The following ANGPT1 variants were observed in gnomAD, a reference collection of about 807,000 sequenced individuals.
ANGPT1 encodes the protein angiopoietin 1.
Under a neutral mutation model 62.2 loss-of-function variants are expected in ANGPT1, and 17 were observed. The observed-to-expected ratio is 0.27, with a 90% CI of 0.19 to 0.41. The LOEUF is 0.41. ANGPT1 is among the 10% of genes least tolerant of loss of function. The pLI, the probability that ANGPT1 is intolerant of heterozygous loss-of-function variation, is 1.00. For missense variants in ANGPT1, 478 were observed against 594.9 expected, an observed-to-expected ratio of 0.80 and a Z score of 2.04; for synonymous variants, 199 against 198.9, an observed-to-expected ratio of 1.00 and a Z score of 0.00.
intron 1 of ANGPT1, among the ~76,000 whole-genome samples, chr8:107,349,423 G>A (rs956012594): frequency 1.3e-5 from 2 of 152,018 alleles, no homozygotes; most frequent in Non-Finnish European, 2.9e-5. Flanking sequence ...AAATTTCAGG[G>A]AGGAAAACGT....
At chr8:107,269,418 C>A (rs1813688860) in intron 7 of ANGPT1, among the ~76,000 whole-genome samples, 1 of 151,930 alleles carries the variant, frequency 6.6e-6, no homozygotes, top group African/African-American at 2.4e-5. Context: ...AATTAACTAT[C>A]ATCTGTGGCT....
At chr8:107,360,577 G>A (rs1816141497) in intron 1 of ANGPT1, among the ~76,000 whole-genome samples, 1 of 152,086 alleles carries the variant, frequency 6.6e-6, no homozygotes, top group Non-Finnish European at 1.5e-5. Flanking sequence ...TTTAAAATAT[G>A]GTTTCAAGCC....
chr8:107,359,594 G>A (rs2514851), intron 1 of ANGPT1, among the ~76,000 whole-genome samples: 21,236 of 152,110 alleles, frequency 0.14, 1,732 homozygotes, highest in East Asian at 0.37. Flanking sequence ...CCATTGAATA[G>A]ACAAGATAGT....
chr8:107,276,096 C>T (rs10955446), intron 7 of ANGPT1, among the ~76,000 whole-genome samples: 139,632 of 152,212 alleles, frequency 0.92, 64,093 homozygotes, highest in Middle Eastern at 0.97. Context: ...TCTGAAGACC[C>T]AGGAAGCCTT....
chr8:107,297,483 C>G (rs1814443078), intron 5 of ANGPT1, among the ~76,000 whole-genome samples: 1 of 151,488 alleles, frequency 6.6e-6, no homozygotes, highest in Admixed American at 6.6e-5. Context: ...TTACTGATGA[C>G]ATAATATATG....
intron 1 of ANGPT1, among the ~76,000 whole-genome samples, chr8:107,391,911 A>G (rs959728949): frequency 3.0e-4 from 45 of 152,280 alleles, no homozygotes; most frequent in African/African-American, 1.1e-3. Flanking sequence ...CACAGCTACA[A>G]TATCACTAGG....
At chr8:107,441,251 T>C (rs1811466912) in intron 1 of ANGPT1, among the ~76,000 whole-genome samples, 1 of 152,218 alleles carries the variant, frequency 6.6e-6, no homozygotes, top group Non-Finnish European at 1.5e-5. Context: ...ATCATCTTTC[T>C]TGGAAAGTTC....
intron 2 of ANGPT1, among the ~76,000 whole-genome samples, chr8:107,346,474 A>G (rs1364397894): frequency 1.3e-5 from 2 of 152,188 alleles, no homozygotes; most frequent in Non-Finnish European, 2.9e-5. Flanking sequence ...ATAGGTAGAT[A>G]TATGTATATA....
At chr8:107,296,536 A>G (rs73701072) in intron 5 of ANGPT1, among the ~76,000 whole-genome samples, 5,791 of 152,178 alleles carry the variant, frequency 0.038, 234 homozygotes, top group African/African-American at 0.095. Flanking sequence ...GAGAGAATGC[A>G]GATTCCTGTG....
chr8:107,367,917 C>T (rs1816309457), intron 1 of ANGPT1, among the ~76,000 whole-genome samples: 1 of 152,192 alleles, frequency 6.6e-6, no homozygotes, highest in African/African-American at 2.4e-5. Flanking sequence ...TCTTGAACCC[C>T]TTAAAATCAT....
chr8:107,293,341 C>A (rs979995780), intron 6 of ANGPT1, among the ~76,000 whole-genome samples: 5 of 152,078 alleles, frequency 3.3e-5, no homozygotes, highest in South Asian at 2.1e-4. Flanking sequence ...CCAACCATAA[C>A]CAACAGAATG....
At chr8:107,447,246 T>C (rs541999671) in intron 1 of ANGPT1, among the ~76,000 whole-genome samples, 58 of 152,300 alleles carry the variant, frequency 3.8e-4, no homozygotes, top group South Asian at 2.5e-3. Flanking sequence ...ATGTTTGAAA[T>C]TGGAATCAGG....
intron 1 of ANGPT1, among the ~76,000 whole-genome samples, chr8:107,436,387 C>T (rs1404870557): frequency 6.6e-6 from 1 of 152,166 alleles, no homozygotes; most frequent in African/African-American, 2.4e-5. Context: ...CATTCATCCT[C>T]CAGAATATTA....
chr8:107,411,361 T>C (rs1439670041), intron 1 of ANGPT1, among the ~76,000 whole-genome samples: 1 of 152,202 alleles, frequency 6.6e-6, no homozygotes, highest in South Asian at 2.1e-4. Flanking sequence ...GGTACACCTT[T>C]ATTCTTAATT....
chr8:107,342,960 G>A (rs534269550), intron 2 of ANGPT1, among the ~76,000 whole-genome samples: 51 of 150,898 alleles, frequency 3.4e-4, no homozygotes, highest in East Asian at 5.9e-4. Context: ...CCTTAGCTCC[G>A]TGAGTAACTA....
At chr8:107,456,948 T>C (rs1434268127) in intron 1 of ANGPT1, among the ~76,000 whole-genome samples, 1 of 152,050 alleles carries the variant, frequency 6.6e-6, no homozygotes, top group Non-Finnish European at 1.5e-5. Flanking sequence ...TCCTAATACT[T>C]CATTAATAAA....
chr8:107,439,728 T>A (rs1306010658), intron 1 of ANGPT1, among the ~76,000 whole-genome samples: 1 of 152,226 alleles, frequency 6.6e-6, no homozygotes, highest in Admixed American at 6.5e-5. Context: ...TTTGTATTGC[T>A]GCTCAAAAGG....
Position 107,423,409 on chromosome 8 carries a change from C to A in ANGPT1, c.297+73853G>T, listed in dbSNP as rs192888527. ...GGAGTTGACTTGCTCAGGATTATGC[C>A]CCTTCCACATCAGACAGCTGGATGG... On this transcript the variant is annotated intron_variant, in intron 1 of 8. Transcript: ENST00000517746. Among the ~76,000 whole-genome samples, 9 of 152,208 alleles carry A rather than the reference C, an allele frequency of 5.9e-5. No homozygotes were observed. The East Asian group carries it at 1.7e-3, about 29-fold the overall frequency.
chr8:107,447,823 T>G (rs1241534465), intron 1 of ANGPT1, among the ~76,000 whole-genome samples: 1 of 152,172 alleles, frequency 6.6e-6, no homozygotes, highest in African/African-American at 2.4e-5. Context: ...CAGACACACA[T>G]ACACACACAA....
Sources: allele counts gnomAD v4.1 joint callset (sites outside exome capture counted in the v4.1 genomes callset), GRCh38; gene constraint gnomAD v4.1.1; transcripts MANE v1.5; gene names NCBI Gene and HGNC (gene_info 2026-07-23, HGNC 2026-07-21).